The following ZNF540 variants were observed in gnomAD, a reference collection of about 807,000 sequenced individuals.
ZNF540 encodes zinc finger protein 540, also known as CTD-3064H18.6.
ZNF540 carries 3 observed loss-of-function variants against 11.8 expected under a neutral mutation model. The ratio of observed to expected loss-of-function variants is 0.25; its 90% CI spans 0.12 to 0.65. ZNF540 has a LOEUF of 0.65. Among genes scored for constraint, ZNF540 ranks in the 30% least tolerant of loss-of-function variants. The probability of loss-of-function intolerance (pLI) is 0.83; values close to 1 mark genes in which losing one functional copy is unlikely to be tolerated. For missense variants in ZNF540, 709 were observed against 793.1 expected, an observed-to-expected ratio of 0.89 and a Z score of 1.27; for synonymous variants, 247 against 259.0, an observed-to-expected ratio of 0.95 and a Z score of 0.45.
chr19:37,575,203 A>G (rs1348728592), intron 1 of ZNF540, among the ~76,000 whole-genome samples: 1 of 152,184 alleles, frequency 6.6e-6, no homozygotes, highest in Non-Finnish European at 1.5e-5. Context: ...AATAAAATCT[A>G]ACTACTTTAT....
chr19:37,583,838 C>T lies in ZNF540; in HGVS notation c.-72-14538C>T, dbSNP rs948447450. The stretch of plus-strand genomic sequence containing the variant: ...CTAAAGGATAAGAGATAAAAAGGTA[C>T]ACGGTGGAGCTGTCCATTTCTACTT... On this transcript the variant is annotated intron_variant, in intron 1 of 4. Transcript: ENST00000592533. The T allele has an allele frequency of 7.1e-6, 6 of 841,240 alleles. No homozygotes were observed. In the African/African-American group the frequency reaches 1.0e-4, roughly 14 times the overall value. The allele number at this position is 841,240 out of a possible 1,614,324, so 52.1% of individuals were successfully genotyped here.
intron 1 of ZNF540, chr19:37,563,260 G>A (rs536620074): frequency 5.3e-4 from 81 of 152,100 alleles, no homozygotes; most frequent in African/African-American, 1.8e-3. Context: ...GAGCCTAGGA[G>A]GTCAAGGCTG....
chr19:37,606,197 T>G (rs754876059), intron 4 of ZNF540, among the ~76,000 whole-genome samples: 10 of 152,252 alleles, frequency 6.6e-5, no homozygotes, highest in Non-Finnish European at 1.0e-4. Context: ...TGACTCTGGC[T>G]TCTTTAACTT....
upstream of ZNF540, among the ~76,000 whole-genome samples, chr19:37,593,911 A>T (rs1299906451): frequency 1.3e-5 from 2 of 152,112 alleles, no homozygotes; most frequent in East Asian, 3.9e-4. Context: ...AACGTTTCGG[A>T]AAGGAAGAAA....
At position 37,607,715 on chromosome 19, in the gene ZNF540, A is replaced by G. The variant is rs182464528; in HGVS notation, c.233-3798A>G. Among the ~76,000 whole-genome samples the G allele has an allele frequency of 6.2e-4, 95 of 152,320 alleles. 1 individual carries two copies. Among genetic ancestry groups the G allele is most frequent in the Admixed American group, 6.1e-3 (94 of 15,302 alleles). Reference sequence around the variant, plus strand: ...ACAGCTTAATCATTCACCTACTAAAAGACATCTTGGTTTTTTTTAAGTATT... The same window carrying G: ...ACAGCTTAATCATTCACCTACTAAAGGACATCTTGGTTTTTTTTAAGTATT... On this transcript the variant is annotated intron_variant, in intron 4 of 4. Transcript: ENST00000316433.
intron 1 of ZNF540, among the ~76,000 whole-genome samples, chr19:37,556,867 G>A (rs1177550654): frequency 6.6e-6 from 1 of 152,166 alleles, no homozygotes; most frequent in East Asian, 1.9e-4. Flanking sequence ...AATTTTGTAA[G>A]AGTGTTTTTT....
intron 1 of ZNF540, chr19:37,563,543 A>G (rs1175338562): frequency 6.6e-6 from 1 of 152,100 alleles, no homozygotes; most frequent in Non-Finnish European, 1.5e-5. Context: ...TATATGGAAT[A>G]CATATGTGGA....
In ZNF540 at chr19:37,612,514, G is replaced by A. The variant is rs138940122; in HGVS notation, c.1234G>A (p.Ala412Thr). The change falls in exon 5 of 5, where the codon GCA becomes ACA. Residue 412 changes from alanine (A) to threonine (T), a missense_variant. By Grantham distance (58) the Ala-to-Thr change is moderately conservative (BLOSUM62 0). Transcript: ENST00000316433. The stretch of plus-strand genomic sequence containing the variant: ...AATCCATACTGGTATAAAACCTTTT[G>A]CATGTAAGGTGTGTGAGAAGGCTTT... ...KTIHTGIKPF[A>T]CKVCEKAFSY... The A allele has an allele frequency of 6.2e-6, 10 of 1,614,138 alleles. No individual in the cohort carries two copies. Among genetic ancestry groups the A allele is most frequent in the Non-Finnish European group, 8.5e-6 (10 of 1,180,008 alleles).
At position 37,612,905 on chromosome 19, in the gene ZNF540, T is replaced by C; in HGVS notation, c.1625T>C (p.Leu542Pro). ...CGTAGAGGGAATCTTAAAGAACATCTGAAAATTCATTCTGGTTTAAAACCC... is the reference window on the plus strand; with the variant it reads ...CGTAGAGGGAATCTTAAAGAACATCCGAAAATTCATTCTGGTTTAAAACCC... ...FIRRGNLKEHLKIHSGLKPYD... is the reference protein window; with the variant it reads ...FIRRGNLKEHPKIHSGLKPYD... The change falls in exon 5 of 5, where the codon CTG becomes CCG. Residue 542 changes from leucine (L) to proline (P), a missense_variant. By Grantham distance (98) the Leu-to-Pro change is moderately conservative. Transcript: ENST00000316433. The C allele has an allele frequency of 6.2e-7, 1 of 1,613,734 alleles. No homozygotes were observed. Among genetic ancestry groups the C allele is most frequent in the South Asian group, 1.1e-5 (1 of 91,062 alleles).
chr19:37,559,132 C>T (rs1355870257), intron 1 of ZNF540, among the ~76,000 whole-genome samples: 1 of 152,230 alleles, frequency 6.6e-6, no homozygotes, highest in Non-Finnish European at 1.5e-5. Context: ...AGCCACCACA[C>T]CTGGCCCACA....
intron 1 of ZNF540, chr19:37,554,985 G>T (rs547269117): frequency 3.3e-5 from 5 of 152,296 alleles, no homozygotes; most frequent in Admixed American, 2.6e-4. Context: ...ACAGTTCCAG[G>T]TGCAGGGGCT....
chr19:37,585,882 C>T (rs888195375), intron 1 of ZNF540: 13 of 152,074 alleles, frequency 8.5e-5, no homozygotes, highest in African/African-American at 1.9e-4. Flanking sequence ...AAAAAGGAAA[C>T]GTGATGATGA....
intron 1 of ZNF540, among the ~76,000 whole-genome samples, chr19:37,561,206 G>T (rs2042714082): frequency 6.6e-6 from 1 of 152,048 alleles, no homozygotes; most frequent in Non-Finnish European, 1.5e-5. Context: ...CTGCACTCCA[G>T]CCTGGGTGAC....
At chr19:37,564,433 GATGTT>G in intron 1 of ZNF540, 1 of 494,510 alleles carries the variant, frequency 2.0e-6, no homozygotes, top group Non-Finnish European at 3.4e-6. Context: ...CGTTTATAGA[GATGTT>G]AAGGAATTAT....
At chr19:37,581,797 A>AC (rs902446649) in intron 1 of ZNF540, among the ~76,000 whole-genome samples, 3 of 151,406 alleles carry the variant, frequency 2.0e-5, no homozygotes, top group Non-Finnish European at 2.9e-5. Context: ...GTGAAAAAAA[A>AC]ACAAAAAACA....
At chr19:37,570,067 G>A (rs1304602199) in intron 1 of ZNF540, 1 of 152,092 alleles carries the variant, frequency 6.6e-6, no homozygotes. Context: ...AGCTCTTAGT[G>A]TAATAGCCTT....
rs1419391962 is a variant in ZNF540, at chr19:37,613,498, CT to C, written c.*238del. Reference sequence around the variant, plus strand: ...AACAGCATATACTTATCATCATTGCCTTTCCACTACTCTACTATCTGTGTGA... The same window carrying C: ...AACAGCATATACTTATCATCATTGCCTTCCACTACTCTACTATCTGTGTGA... On this transcript the variant is annotated 3_prime_UTR_variant, in exon 5 of 5. Coordinates refer to ENST00000316433, the MANE Select transcript of ZNF540 (RefSeq NM_001172225.3). 2.2e-5 allele frequency: 9 copies of C among 410,532 alleles called. No individual in the cohort carries two copies. Among genetic ancestry groups the C allele is most frequent in the Admixed American group, 7.8e-5 (2 of 25,712 alleles). The allele number at this position is 410,532 out of a possible 1,614,324, so 25.4% of individuals were successfully genotyped here.
chr19:37,584,988 G>C (rs1173002707), intron 1 of ZNF540: 1 of 150,122 alleles, frequency 6.7e-6, no homozygotes, highest in Non-Finnish European at 1.5e-5. Context: ...AAAGGAATTA[G>C]ACAAATTCTC....
At chr19:37,552,839 C>T (rs952773832) in intron 1 of ZNF540, among the ~76,000 whole-genome samples, 102 of 151,816 alleles carry the variant, frequency 6.7e-4, no homozygotes, top group African/African-American at 1.9e-3. Context: ...CCCAGCTACT[C>T]GGGAGGGTGA....
Sources: gnomAD v4.1 joint callset for allele counts (sites outside exome capture counted in the v4.1 genomes callset) on GRCh38, gnomAD v4.1.1 for gene constraint, MANE v1.5 for transcripts, NCBI Gene and HGNC (gene_info 2026-07-23, HGNC 2026-07-21) for gene names.